The following ARFGEF3 variants were observed in gnomAD, a reference collection of about 807,000 sequenced individuals.
ARFGEF3 encodes the protein ARFGEF family member 3.
A neutral mutation model predicts 221.7 loss-of-function variants in ARFGEF3; 96 were observed. The ratio of observed to expected loss-of-function variants is 0.43; its 90% CI spans 0.37 to 0.51. The LOEUF (loss-of-function observed/expected upper bound fraction) is 0.51. Ranked by LOEUF, ARFGEF3 falls within the 20% of genes least tolerant of loss-of-function variation. The probability of loss-of-function intolerance (pLI) is 0.00; values close to 1 mark genes in which losing one functional copy is unlikely to be tolerated. For synonymous variants in ARFGEF3, 1,145 were observed against 1,126.8 expected (o/e 1.02, Z -0.32); for missense variants, 2,410 against 2,789.9 (o/e 0.86, Z 3.07).
intron 16 of ARFGEF3, 56 bp downstream of exon 16, chr6:138,286,972 ACC>A (rs1779309412): frequency 6.3e-7 from 1 of 1,595,864 alleles, no homozygotes; most frequent in Non-Finnish European, 8.6e-7. Context: ...ACTGGGAATG[ACC>A]CAGCAGGGTG....
At chr6:138,279,567 T>TA (rs1275822020) in intron 13 of ARFGEF3, among the ~76,000 whole-genome samples, 8 of 152,228 alleles carry the variant, frequency 5.3e-5, no homozygotes. Context: ...GCTTGCTTGA[T>TA]AAATTGTAAA....
chr6:138,223,330 G>A (rs1329960003), intron 4 of ARFGEF3, among the ~76,000 whole-genome samples: 1 of 152,146 alleles, frequency 6.6e-6, no homozygotes, highest in East Asian at 1.9e-4. Context: ...ATCTACATGA[G>A]AGGCCAGAAG....
intron 19 of ARFGEF3, among the ~76,000 whole-genome samples, chr6:138,293,711 T>G (rs74596233): frequency 0.027 from 4,061 of 152,356 alleles, 172 homozygotes; most frequent in African/African-American, 0.091. Flanking sequence ...TTGCCATCTT[T>G]CAGCTTCTTG....
At chr6:138,248,021 C>T (rs186646559) in intron 8 of ARFGEF3, among the ~76,000 whole-genome samples, 6 of 152,224 alleles carry the variant, frequency 3.9e-5, no homozygotes, top group Non-Finnish European at 7.4e-5. Flanking sequence ...AAAAATTGAG[C>T]GTTCTGTTCA....
chr6:138,227,041 T>A (rs1778097814), intron 4 of ARFGEF3, among the ~76,000 whole-genome samples: 1 of 149,862 alleles, frequency 6.7e-6, no homozygotes, highest in African/African-American at 2.5e-5. Flanking sequence ...AGGGTTGATT[T>A]TGTTTTTTTT....
intron 10 of ARFGEF3, among the ~76,000 whole-genome samples, chr6:138,258,925 A>G (rs1778736594): frequency 6.6e-6 from 1 of 152,172 alleles, no homozygotes; most frequent in African/African-American, 2.4e-5. Context: ...TAGGTCTCTA[A>G]ATGTGTTTTA....
chr6:138,298,857 C>T (rs2114647382), intron 22 of ARFGEF3, 72 bp downstream of exon 22: 2 of 1,115,794 alleles, frequency 1.8e-6, no homozygotes, highest in Non-Finnish European at 2.6e-6. Flanking sequence ...GTTCTATGAG[C>T]TTCGCACACT....
At chr6:138,326,444 A>G (rs1780127829) in intron 31 of ARFGEF3, among the ~76,000 whole-genome samples, 1 of 152,170 alleles carries the variant, frequency 6.6e-6, no homozygotes, top group Non-Finnish European at 1.5e-5. Context: ...AAACAACTCC[A>G]TTAAAAAGTG....
At chr6:138,266,221 A>G (rs987372439) in intron 12 of ARFGEF3, among the ~76,000 whole-genome samples, 1 of 151,790 alleles carries the variant, frequency 6.6e-6, no homozygotes, top group African/African-American at 2.4e-5. Context: ...AAAGAAAGAG[A>G]AAGAGAGAAA....
chr6:138,200,902 G>A (rs1003843667), intron 2 of ARFGEF3, among the ~76,000 whole-genome samples: 3 of 152,174 alleles, frequency 2.0e-5, no homozygotes, highest in African/African-American at 7.2e-5. Flanking sequence ...CACAGAGTGG[G>A]AGAAAATCTT....
chr6:138,263,040 G>A lies in ARFGEF3; in HGVS notation c.1557G>A (p.Glu519=), dbSNP rs1313423671. ...TDTGQTTLEG[E]LGQTTPEDHS... is the part of the protein sequence containing the mutation. ...CAGGCCAGACCACTCTCGAGGGAGA[G>A]TTGGGTCAGACTACACCCGAGGACC... Residue 519 remains glutamate (E), a synonymous_variant, in exon 12 of 34, where the codon GAG becomes GAA. Coordinates refer to ENST00000251691, the MANE Select transcript of ARFGEF3 (RefSeq NM_020340.5). 4 of 1,611,504 alleles carry A rather than the reference G, an allele frequency of 2.5e-6. No individual in the cohort carries two copies. In the African/African-American group the frequency reaches 5.3e-5, roughly 21 times the overall value.
chr6:138,293,985 G>A lies in ARFGEF3; in HGVS notation c.3369-8G>A. ...CCAAAGAACACATCTCTTTCTGTTTGCATCCAGGCTCTTTGAAGATGCTAC... is the reference window on the plus strand; with the variant it reads ...CCAAAGAACACATCTCTTTCTGTTTACATCCAGGCTCTTTGAAGATGCTAC... On this transcript the variant is annotated splice_region_variant and splice_polypyrimidine_tract_variant and intron_variant, in intron 19 of 33. Coordinates refer to ENST00000251691, the MANE Select transcript of ARFGEF3 (RefSeq NM_020340.5). 1 of 1,611,292 alleles carries A rather than the reference G, an allele frequency of 6.2e-7. No individual in the cohort carries two copies. Among genetic ancestry groups the A allele is most frequent in the South Asian group, 1.1e-5 (1 of 90,312 alleles).
At chr6:138,242,521 C>G (rs531568107) in intron 6 of ARFGEF3, among the ~76,000 whole-genome samples, 1 of 152,238 alleles carries the variant, frequency 6.6e-6, no homozygotes, top group Admixed American at 6.5e-5. Context: ...GGCCAAGAGT[C>G]TGTGTTTATT....
chr6:138,307,132 G>A, intron 22 of ARFGEF3, 121 bp from the exon 23 acceptor site: 1 of 1,000,900 alleles, frequency 1.0e-6, no homozygotes, highest in Non-Finnish European at 1.5e-6. Context: ...GTCTATTCTG[G>A]TTTTTCCTTT....
At chr6:138,208,540 C>T (rs1344711858) in intron 3 of ARFGEF3, among the ~76,000 whole-genome samples, 1 of 152,142 alleles carries the variant, frequency 6.6e-6, no homozygotes, top group Non-Finnish European at 1.5e-5. Flanking sequence ...CAGGCTGCAA[C>T]TCGAAGCCCC....
chr6:138,254,366 C>T (rs994399710), intron 9 of ARFGEF3, among the ~76,000 whole-genome samples: 12 of 149,100 alleles, frequency 8.0e-5, no homozygotes, highest in Non-Finnish European at 1.3e-4. Context: ...TTGCAGCGAG[C>T]GGAGATAAAG....
Position 138,162,358 on chromosome 6 carries a change from C to T in ARFGEF3, c.85+187C>T, listed in dbSNP as rs559079927. Among the ~76,000 whole-genome samples the T allele has an allele frequency of 2.0e-5, 3 of 152,318 alleles. No homozygotes were observed. Among genetic ancestry groups the T allele is most frequent in the Admixed American group, 2.0e-4 (3 of 15,304 alleles). Reference sequence around the variant, plus strand: ...CTCGGGCGTGGACATCAGCCGCCTCCCCTCCGGTCTCTTTCACTCTCCGAA... The same window carrying T: ...CTCGGGCGTGGACATCAGCCGCCTCTCCTCCGGTCTCTTTCACTCTCCGAA... On this transcript the variant is annotated intron_variant, in intron 1 of 33. Coordinates refer to ENST00000251691, the MANE Select transcript of ARFGEF3 (RefSeq NM_020340.5). This position sits in a 1 kb window ranked among gnomAD's most constrained non-coding sequence, Gnocchi z 4.7.
chr6:138,317,970 A>G, intron 27 of ARFGEF3, among the ~76,000 whole-genome samples: 1 of 152,310 alleles, frequency 6.6e-6, no homozygotes, highest in East Asian at 1.9e-4. Context: ...CAATTTTAGT[A>G]TATACATTTA....
intron 12 of ARFGEF3, among the ~76,000 whole-genome samples, chr6:138,276,630 C>A (rs923736041): frequency 9.2e-5 from 14 of 151,906 alleles, no homozygotes; most frequent in African/African-American, 3.1e-4. Flanking sequence ...CACAGTTTAC[C>A]TGCTTAAAGT....
Sources: allele counts gnomAD v4.1 joint callset (sites outside exome capture counted in the v4.1 genomes callset), GRCh38; gene constraint gnomAD v4.1.1; non-coding constraint Gnocchi (gnomAD v3.1); transcripts MANE v1.5; gene names NCBI Gene and HGNC (gene_info 2026-07-23, HGNC 2026-07-21).